The following NDST3 variants were observed in gnomAD, a reference collection of about 807,000 sequenced individuals.
NDST3 encodes bifunctional heparan sulfate N-deacetylase/N-sulfotransferase 3.
NDST3 carries 58 observed loss-of-function variants against 96.1 expected under a neutral mutation model. The observed-to-expected ratio is 0.60, with a 90% CI of 0.49 to 0.75. The LOEUF is 0.75. Ranked by LOEUF, NDST3 falls within the 30% of genes least tolerant of loss-of-function variation. The pLI is 0.00. For missense variants in NDST3, 788 were observed against 1,034.2 expected (o/e 0.76, Z 3.27); for synonymous variants, 333 against 359.7 (o/e 0.93, Z 0.84).
intron 2 of NDST3, among the ~76,000 whole-genome samples, chr4:118,071,201 T>C (rs1478707807): frequency 6.6e-6 from 1 of 152,168 alleles, no homozygotes; most frequent in African/African-American, 2.4e-5. Context: ...CATGTGTCTT[T>C]ATAGCAGCAT....
chr4:118,042,282 G>C (rs1724516440), intron 1 of NDST3, among the ~76,000 whole-genome samples: 1 of 152,076 alleles, frequency 6.6e-6, no homozygotes, highest in East Asian at 1.9e-4. Flanking sequence ...TAATTTAACA[G>C]TAAGCATGTT....
At chr4:118,126,050 G>A (rs905570182) in intron 4 of NDST3, among the ~76,000 whole-genome samples, 49 of 151,994 alleles carry the variant, frequency 3.2e-4, no homozygotes, top group African/African-American at 1.2e-3. Context: ...ACAGGTGCCA[G>A]AGGTTCCACA....
chr4:118,226,601 T>G (rs559646792), intron 7 of NDST3, among the ~76,000 whole-genome samples: 1 of 152,030 alleles, frequency 6.6e-6, no homozygotes, highest in Admixed American at 6.5e-5. Context: ...TTAAAAAAAA[T>G]AGAACTGCTA....
intron 2 of NDST3, among the ~76,000 whole-genome samples, chr4:118,086,632 A>G (rs1402733234): frequency 6.6e-6 from 1 of 152,160 alleles, no homozygotes; most frequent in African/African-American, 2.4e-5. Context: ...TGCTTGTTGG[A>G]AAATCACAAT....
chr4:118,051,629 G>T (rs1361285614), intron 1 of NDST3, among the ~76,000 whole-genome samples: 1 of 151,848 alleles, frequency 6.6e-6, no homozygotes, highest in Non-Finnish European at 1.5e-5. Flanking sequence ...AAGCAATCAG[G>T]CAAGAGAAAG....
At chr4:118,177,580 C>T (rs1736354237) in intron 6 of NDST3, among the ~76,000 whole-genome samples, 1 of 151,930 alleles carries the variant, frequency 6.6e-6, no homozygotes. Flanking sequence ...GATTTTTCCA[C>T]CACAACTATT....
intron 2 of NDST3, among the ~76,000 whole-genome samples, chr4:118,096,392 T>C (rs538100633): frequency 9.9e-5 from 15 of 152,024 alleles, no homozygotes; most frequent in African/African-American, 3.4e-4. Context: ...GAGCTGTTTA[T>C]ACTGAGTTAT....
chr4:118,204,760 A>C (rs893742658), intron 6 of NDST3, among the ~76,000 whole-genome samples: 1 of 144,806 alleles, frequency 6.9e-6, no homozygotes, highest in Non-Finnish European at 1.5e-5. Flanking sequence ...AAATCTATCT[A>C]TATATATTCT....
At position 118,236,035 on chromosome 4, in the gene NDST3, T is replaced by TA. The variant is rs538072229; in HGVS notation, c.1944-1002dup. On this transcript the variant is annotated intron_variant, in intron 9 of 13. Coordinates refer to ENST00000296499, the MANE Select transcript of NDST3 (RefSeq NM_004784.3). ...TTGGTCAAAAGAAAACAAGACACTGTAAAAAAAAACAGGTCATTGCATGAA... is the reference window on the plus strand; with the variant it reads ...TTGGTCAAAAGAAAACAAGACACTGTAAAAAAAAAACAGGTCATTGCATGAA... Among the ~76,000 whole-genome samples the TA allele has an allele frequency of 5.4e-3, 818 of 150,962 alleles. 2 individuals carry two copies. Among genetic ancestry groups the TA allele is most frequent in the Middle Eastern group, 0.024 (7 of 290 alleles).
At chr4:118,161,314 G>A (rs946771766) in intron 6 of NDST3, among the ~76,000 whole-genome samples, 2 of 152,208 alleles carry the variant, frequency 1.3e-5, no homozygotes, top group Admixed American at 6.5e-5. Context: ...CTGCTCGGGG[G>A]TCAGGGTCAG....
Position 118,138,989 on chromosome 4 carries a change from C to T in NDST3, c.1410+750C>T, listed in dbSNP as rs180937769. On this transcript the variant is annotated intron_variant, in intron 5 of 13. Coordinates refer to ENST00000296499, the MANE Select transcript of NDST3 (RefSeq NM_004784.3). ...AGAAGAACACTATGTGATGAGCCAC[C>T]GTAACACTCTGTTGAACTGATATGT... Among the ~76,000 whole-genome samples the T allele has an allele frequency of 3.3e-5, 5 of 152,300 alleles. No individual in the cohort carries two copies. In the East Asian group the frequency reaches 5.8e-4, roughly 18 times the overall value.
intron 1 of NDST3, among the ~76,000 whole-genome samples, chr4:118,053,219 G>A (rs936324808): frequency 6.6e-6 from 1 of 151,964 alleles, no homozygotes; most frequent in Non-Finnish European, 1.5e-5. Flanking sequence ...TATGCATTTT[G>A]AAAGGGTTAT....
chr4:118,170,528 G>A (rs867126839), intron 6 of NDST3, among the ~76,000 whole-genome samples: 1 of 152,190 alleles, frequency 6.6e-6, no homozygotes, highest in Non-Finnish European at 1.5e-5. Flanking sequence ...AGGAGTTCGA[G>A]ACCAGCCTGG....
chr4:118,089,378 T>C (rs1238212891), intron 2 of NDST3, among the ~76,000 whole-genome samples: 1 of 151,924 alleles, frequency 6.6e-6, no homozygotes, highest in Admixed American at 6.6e-5. Context: ...AAGGAATACA[T>C]GTTATCCTGG....
At chr4:118,141,682 T>C (rs1733584001) in intron 5 of NDST3, among the ~76,000 whole-genome samples, 1 of 152,212 alleles carries the variant, frequency 6.6e-6, no homozygotes, top group Admixed American at 6.5e-5. Context: ...CTAGAAGTGA[T>C]TCAGTCATAG....
intron 6 of NDST3, among the ~76,000 whole-genome samples, chr4:118,173,019 G>A (rs1302787698): frequency 2.6e-5 from 4 of 151,994 alleles, no homozygotes; most frequent in Non-Finnish European, 1.5e-5. Context: ...AAATAAGAAA[G>A]TCCCCTTGAG....
At chr4:118,131,418 A>G (rs1253153432) in intron 4 of NDST3, among the ~76,000 whole-genome samples, 1 of 151,358 alleles carries the variant, frequency 6.6e-6, no homozygotes, top group Non-Finnish European at 1.5e-5. Context: ...GCAATTTTCA[A>G]CTCTAGAATT....
At chr4:118,199,317 T>C (rs1578803280) in intron 6 of NDST3, among the ~76,000 whole-genome samples, 1 of 152,268 alleles carries the variant, frequency 6.6e-6, no homozygotes, top group Non-Finnish European at 1.5e-5. Context: ...TTCTTTTTTC[T>C]GCTTGATCAA....
At chr4:118,255,550 TAAAC>T in intron 13 of NDST3, 39 bp from the exon 14 acceptor site, 1 of 1,564,780 alleles carries the variant, frequency 6.4e-7, no homozygotes, top group South Asian at 1.2e-5. Context: ...TGAAATGTAA[TAAAC>T]AAAATAAAAT....
Sources: gnomAD v4.1 joint callset for allele counts (sites outside exome capture counted in the v4.1 genomes callset) on GRCh38, gnomAD v4.1.1 for gene constraint, MANE v1.5 for transcripts, NCBI Gene and HGNC (gene_info 2026-07-23, HGNC 2026-07-21) for gene names.